NIPBL: variants seen among roughly 807,000 people sequenced by gnomAD.
NIPBL encodes the protein nipped-B-like protein.
Under a neutral mutation model 321.8 loss-of-function variants are expected in NIPBL, and 19 were observed. The ratio of observed to expected loss-of-function variants is 0.06; its 90% CI spans 0.04 to 0.09. The LOEUF (loss-of-function observed/expected upper bound fraction) is 0.09, where lower values mean the gene tolerates loss of function less well. NIPBL is among the 10% of genes least tolerant of loss of function. NIPBL has a pLI of 1.00. For missense variants in NIPBL, 2,210 were observed against 3,327.0 expected, an observed-to-expected ratio of 0.66 and a Z score of 8.26; for synonymous variants, 1,106 against 1,114.1, an observed-to-expected ratio of 0.99 and a Z score of 0.14.
intron 1 of NIPBL, among the ~76,000 whole-genome samples, chr5:36,896,565 C>T (rs1342011320): frequency 1.3e-5 from 2 of 152,084 alleles, no homozygotes; most frequent in Non-Finnish European, 2.9e-5. Context: ...CATGGGAAGA[C>T]GTTCCATTTT....
intron 46 of NIPBL, chr5:37,064,320 G>A (rs1364578510): frequency 8.4e-6 from 12 of 1,423,190 alleles, no homozygotes; most frequent in South Asian, 7.6e-5. Flanking sequence ...GTAAAGACAC[G>A]GGTACAAATT....
At chr5:37,034,929 C>T (rs1268481185) in intron 32 of NIPBL, among the ~76,000 whole-genome samples, 1 of 152,106 alleles carries the variant, frequency 6.6e-6, no homozygotes, top group Non-Finnish European at 1.5e-5. Flanking sequence ...GTACCTGAAG[C>T]CTTGGAAATG....
At chr5:37,035,907 C>T (rs575937845) in intron 32 of NIPBL, among the ~76,000 whole-genome samples, 1 of 152,244 alleles carries the variant, frequency 6.6e-6, no homozygotes, top group African/African-American at 2.4e-5. Flanking sequence ...ACTTTTCTAG[C>T]ATTGTTTGTG....
intron 1 of NIPBL, among the ~76,000 whole-genome samples, chr5:36,931,125 C>T (rs1209476316): frequency 6.6e-6 from 1 of 152,010 alleles, no homozygotes; most frequent in Admixed American, 6.6e-5. Flanking sequence ...TTGGTGAGAT[C>T]GTCTGTGCCT....
chr5:36,936,536 G>T (rs746382903), intron 1 of NIPBL, among the ~76,000 whole-genome samples: 1 of 152,106 alleles, frequency 6.6e-6, no homozygotes, highest in Non-Finnish European at 1.5e-5. Context: ...GCACAGTGAT[G>T]AAATTGCCTA....
chr5:36,981,289 G>T (rs1271791510), intron 9 of NIPBL, among the ~76,000 whole-genome samples: 2 of 151,712 alleles, frequency 1.3e-5, no homozygotes, highest in African/African-American at 2.4e-5. Flanking sequence ...TTATAAGTAA[G>T]ATTAGAAAGT....
Position 37,022,304 on chromosome 5 carries a change from G to A in NIPBL, c.5488G>A (p.Ala1830Thr). 1 of 1,613,988 alleles carries A rather than the reference G, an allele frequency of 6.2e-7. No individual in the cohort carries two copies. Among genetic ancestry groups the A allele is most frequent in the Non-Finnish European group, 8.5e-7 (1 of 1,179,922 alleles). The change falls in exon 29 of 47, where the codon GCA becomes ACA. Residue 1830 changes from alanine (A) to threonine (T), a missense_variant. Around this residue, in one of 14 missense-constraint regions of NIPBL, gnomAD observed 49 missense variants for 163.6 expected, o/e 0.30. Transcript: ENST00000282516. Reference sequence around the variant, plus strand: ...GGATAATTCGACTAGTGTCCGAGAAGCAGCAGTAGAATTACTAGGTCGATT... The same window carrying A: ...GGATAATTCGACTAGTGTCCGAGAAACAGCAGTAGAATTACTAGGTCGATT... Reference protein sequence around the residue: ...LMDNSTSVREAAVELLGRFVL... With the variant: ...LMDNSTSVRETAVELLGRFVL...
chr5:36,917,122 G>A (rs1360165973), intron 1 of NIPBL, among the ~76,000 whole-genome samples: 1 of 152,186 alleles, frequency 6.6e-6, no homozygotes, highest in Non-Finnish European at 1.5e-5. Flanking sequence ...CACCAACAGT[G>A]TGAAAGTGTT....
chr5:37,064,019 C>G, intron 46 of NIPBL, 41 bp downstream of exon 46: 1 of 1,605,098 alleles, frequency 6.2e-7, no homozygotes, highest in Non-Finnish European at 8.5e-7. Flanking sequence ...CAGCGTATTA[C>G]GTAAAATGAT....
intron 1 of NIPBL, among the ~76,000 whole-genome samples, chr5:36,901,813 G>C (rs1162452640): frequency 6.6e-6 from 1 of 152,052 alleles, no homozygotes; most frequent in Non-Finnish European, 1.5e-5. Context: ...CCAGCCCTAA[G>C]TTCTTTGAGA....
In NIPBL at chr5:37,001,074, G is replaced by T; in HGVS notation, c.3660G>T (p.Ala1220=). The stretch of plus-strand genomic sequence containing the variant: ...ATTTGGAAGATATGGATTTTACTGC[G>T]TTTGGTAAAATCAACTTAAAATACA... The part of the protein sequence containing the change: ...LDNLEDMDFT[A]FGDDDEIPQE... Residue 1220 remains alanine (A), a synonymous_variant, in exon 14 of 47, where the codon GCG becomes GCT. Coordinates refer to ENST00000282516, the MANE Select transcript of NIPBL (RefSeq NM_133433.4). 1.3e-6 allele frequency: 2 copies of T among 1,593,630 alleles called. No individual in the cohort carries two copies. The highest frequency in any genetic ancestry group is 1.7e-6 in the Non-Finnish European group (2 of 1,163,282).
At chr5:36,939,214 A>C (rs568295689) in intron 1 of NIPBL, among the ~76,000 whole-genome samples, 1 of 152,168 alleles carries the variant, frequency 6.6e-6, no homozygotes, top group East Asian at 1.9e-4. Flanking sequence ...TATTGCCCAG[A>C]CTATTCTTGA....
At chr5:37,033,486 T>G (rs1751297360) in intron 32 of NIPBL, among the ~76,000 whole-genome samples, 1 of 151,036 alleles carries the variant, frequency 6.6e-6, no homozygotes, top group African/African-American at 2.4e-5. Flanking sequence ...AAAACAGAAG[T>G]GGCACTGCAG....
chr5:36,878,991 G>T (rs554679029), intron 1 of NIPBL, among the ~76,000 whole-genome samples: 2 of 142,920 alleles, frequency 1.4e-5, no homozygotes, highest in African/African-American at 5.0e-5. Flanking sequence ...TGTGCGAGTG[G>T]GGGGCATGCC....
At chr5:36,958,056 A>G (rs1329875406) in intron 3 of NIPBL, 48 bp from the exon 4 acceptor site, 7 of 1,595,046 alleles carry the variant, frequency 4.4e-6, no homozygotes, top group African/African-American at 1.3e-5. Flanking sequence ...AGTCTTCTTA[A>G]GAATCAGTCA....
At chr5:37,052,060 A>C (rs1753614823) in intron 41 of NIPBL, among the ~76,000 whole-genome samples, 174 bp downstream of exon 41, 1 of 152,120 alleles carries the variant, frequency 6.6e-6, no homozygotes, top group African/African-American at 2.4e-5. Context: ...GTCTAAAGTT[A>C]AGGTTGGGCT....
At chr5:36,907,299 G>T (rs1003242275) in intron 1 of NIPBL, among the ~76,000 whole-genome samples, 1 of 152,062 alleles carries the variant, frequency 6.6e-6, no homozygotes, top group South Asian at 2.1e-4. Context: ...TCTTATAATT[G>T]TAAGATATTT....
At chr5:36,879,701 A>C (rs1000724260) in intron 1 of NIPBL, among the ~76,000 whole-genome samples, 8 of 152,166 alleles carry the variant, frequency 5.3e-5, no homozygotes, top group African/African-American at 1.9e-4. Context: ...GTAACCTTAT[A>C]ATCCTAGTTA....
At chr5:36,965,042 G>C (rs1213476946) in intron 6 of NIPBL, among the ~76,000 whole-genome samples, 1 of 152,172 alleles carries the variant, frequency 6.6e-6, no homozygotes, top group Non-Finnish European at 1.5e-5. Context: ...TACTGGTGAG[G>C]ATGTGAAGAA....
Sources: allele counts gnomAD v4.1 joint callset (sites outside exome capture counted in the v4.1 genomes callset), GRCh38; gene constraint gnomAD v4.1.1; regional missense constraint gnomAD v4.1.1; transcripts MANE v1.5; gene names NCBI Gene and HGNC (gene_info 2026-07-23, HGNC 2026-07-21).